Variants in GRIK2 observed in about 807,000 individuals in gnomAD.
GRIK2 encodes glutamate ionotropic receptor kainate type subunit 2.
Under a neutral mutation model 100.3 loss-of-function variants are expected in GRIK2, and 32 were observed. The observed-to-expected ratio is 0.32, with a 90% confidence interval of 0.24 to 0.43. The LOEUF is 0.43. Ranked by LOEUF, GRIK2 falls within the 20% of genes least tolerant of loss-of-function variation. The pLI is 1.00. For synonymous variants in GRIK2, 417 were observed against 389.4 expected (o/e 1.07, Z -0.83); for missense variants, 843 against 1,114.9 (o/e 0.76, Z 3.47).
intron 11 of GRIK2, among the ~76,000 whole-genome samples, chr6:101,883,325 A>C (rs1786394811): frequency 7.6e-6 from 1 of 131,462 alleles, no homozygotes; most frequent in Non-Finnish European, 1.6e-5. Context: ...ATAATAATAT[A>C]ATAAAGGGGG....
intron 7 of GRIK2, among the ~76,000 whole-genome samples, chr6:101,780,002 C>T (rs1277990864): frequency 1.3e-5 from 2 of 151,998 alleles, no homozygotes; most frequent in Non-Finnish European, 2.9e-5. Flanking sequence ...ATGTAAATGA[C>T]CACAGATTTA....
intron 11 of GRIK2, among the ~76,000 whole-genome samples, chr6:101,874,820 G>A (rs1785701599): frequency 6.6e-6 from 1 of 152,050 alleles, no homozygotes; most frequent in South Asian, 2.1e-4. Flanking sequence ...CACGTTCCTT[G>A]TAAGTTGGAT....
chr6:101,892,526 T>G (rs1424779971), intron 12 of GRIK2, among the ~76,000 whole-genome samples: 1 of 152,100 alleles, frequency 6.6e-6, no homozygotes, highest in Non-Finnish European at 1.5e-5. Context: ...TACCAGTTTT[T>G]TTTTTACTGC....
At position 101,926,218 on chromosome 6, in the gene GRIK2, T is replaced by TTTC. The variant is rs1257434308; in HGVS notation, c.1867+1500_1867+1501insTCT. Among the ~76,000 whole-genome samples, 575 of 148,556 alleles carry TTTC rather than the reference T, an allele frequency of 3.9e-3. 3 individuals are homozygous for TTTC. The highest frequency in any genetic ancestry group is 0.014 in the African/African-American group (545 of 39,684). On this transcript the variant is annotated intron_variant, in intron 13 of 16. Coordinates refer to ENST00000369134, the MANE Select transcript of GRIK2 (RefSeq NM_021956.5). ...GGGTTTTTTTTTTTTTTTTTTTTTT[T>TTTC]TCCCTTAGGCTTACTCTACCCTTAG...
intron 2 of GRIK2, among the ~76,000 whole-genome samples, chr6:101,609,031 T>G (rs192105623): frequency 6.0e-4 from 91 of 151,940 alleles, no homozygotes; most frequent in African/African-American, 2.1e-3. Flanking sequence ...ACTAGCAGGT[T>G]TTTAAAGCTT....
chr6:101,835,580 C>T (rs917682276), intron 10 of GRIK2, among the ~76,000 whole-genome samples: 1 of 146,610 alleles, frequency 6.8e-6, no homozygotes, highest in Non-Finnish European at 1.5e-5. Context: ...AAGTGATTCT[C>T]ATGCCTCAGC....
At chr6:101,736,526 TG>T (rs1413319151) in intron 7 of GRIK2, among the ~76,000 whole-genome samples, 1 of 152,180 alleles carries the variant, frequency 6.6e-6, no homozygotes, top group East Asian at 1.9e-4. Context: ...TGCCAAGGCT[TG>T]GGGCTTGCAC....
intron 7 of GRIK2, among the ~76,000 whole-genome samples, chr6:101,796,431 C>T (rs1034623190): frequency 2.6e-5 from 4 of 152,106 alleles, no homozygotes; most frequent in Non-Finnish European, 5.9e-5. Context: ...AATTTTCACA[C>T]GGTTTTTCAA....
At chr6:101,891,167 T>C (rs1000335734) in intron 12 of GRIK2, among the ~76,000 whole-genome samples, 8 of 151,976 alleles carry the variant, frequency 5.3e-5, no homozygotes, top group African/African-American at 1.9e-4. Flanking sequence ...GTATTTTTTT[T>C]CTAGCCATAA....
At chr6:101,479,659 A>G (rs1434432973) in intron 2 of GRIK2, among the ~76,000 whole-genome samples, 3 of 152,294 alleles carry the variant, frequency 2.0e-5, no homozygotes, top group South Asian at 2.1e-4. Context: ...TAGATTATCA[A>G]TATGAATGTG....
At chr6:101,638,257 G>A (rs117301440) in intron 4 of GRIK2, among the ~76,000 whole-genome samples, 5,236 of 149,572 alleles carry the variant, frequency 0.035, 149 homozygotes, top group Middle Eastern at 0.058. Context: ...TCTAGGTACC[G>A]GAGATATATA....
chr6:102,030,487 C>T (rs1160051320), intron 14 of GRIK2, among the ~76,000 whole-genome samples: 1 of 150,934 alleles, frequency 6.6e-6, no homozygotes, highest in Non-Finnish European at 1.5e-5. Flanking sequence ...TTTGATGTGA[C>T]TTCTAAGAGC....
At chr6:101,849,679 A>G (rs749153152) in intron 10 of GRIK2, among the ~76,000 whole-genome samples, 2 of 152,020 alleles carry the variant, frequency 1.3e-5, no homozygotes, top group Non-Finnish European at 2.9e-5. Context: ...AAGGAAATAA[A>G]TTATTTTCAG....
chr6:101,976,861 A>T (rs1324712139), intron 14 of GRIK2, among the ~76,000 whole-genome samples: 1 of 151,832 alleles, frequency 6.6e-6, no homozygotes, highest in Non-Finnish European at 1.5e-5. Flanking sequence ...AAGAGGACAG[A>T]ATTTGTAGTT....
intron 2 of GRIK2, among the ~76,000 whole-genome samples, chr6:101,569,971 GT>G (rs1426333917): frequency 6.6e-6 from 1 of 152,168 alleles, no homozygotes; most frequent in East Asian, 1.9e-4. Flanking sequence ...TTTGAACTTT[GT>G]TTATTGTGAA....
intron 14 of GRIK2, among the ~76,000 whole-genome samples, chr6:102,026,902 G>A (rs1769733959): frequency 6.6e-6 from 1 of 151,194 alleles, no homozygotes; most frequent in Admixed American, 6.6e-5. Context: ...ACCACATATG[G>A]CTTCAGTCTT....
At chr6:101,823,087 C>T (rs868377702) in intron 10 of GRIK2, among the ~76,000 whole-genome samples, 3 of 152,154 alleles carry the variant, frequency 2.0e-5, no homozygotes, top group East Asian at 1.9e-4. Context: ...GCTACTCTTG[C>T]GTGAATATGT....
At chr6:101,574,085 T>G (rs550053) in intron 2 of GRIK2, among the ~76,000 whole-genome samples, 30,422 of 151,238 alleles carry the variant, frequency 0.2, 5,423 homozygotes, top group African/African-American at 0.48. Flanking sequence ...GATTGTATTT[T>G]CTATTGAGAT....
At chr6:101,402,047 C>T (rs1302380251) in intron 2 of GRIK2, among the ~76,000 whole-genome samples, 1 of 152,144 alleles carries the variant, frequency 6.6e-6, no homozygotes, top group East Asian at 1.9e-4. Context: ...TCTGTGTTAT[C>T]CTTCCCCTTG....
Sources: gnomAD v4.1 joint callset for allele counts (sites outside exome capture counted in the v4.1 genomes callset) on GRCh38, gnomAD v4.1.1 for gene constraint, MANE v1.5 for transcripts, NCBI Gene and HGNC (gene_info 2026-07-23, HGNC 2026-07-21) for gene names.